QTMAN: variants seen among roughly 807,000 people sequenced by gnomAD.
The protein encoded by QTMAN is tRNA-queuosine alpha-mannosyltransferase.
chr2:144,249,633 A>T, the QTMAN span, among the ~76,000 whole-genome samples: 3 of 152,244 alleles, frequency 2.0e-5, no homozygotes, highest in Non-Finnish European at 2.9e-5. Flanking sequence ...GTTAATCAAC[A>T]TTAAAAATAA....
chr2:143,952,897 T>C, the QTMAN span: 2 of 1,111,398 alleles, frequency 1.8e-6, no homozygotes, highest in African/African-American at 1.6e-5. Context: ...ATTACCATCA[T>C]AGCCAGAAAG....
the QTMAN span, among the ~76,000 whole-genome samples, chr2:144,185,566 T>C: frequency 9.2e-5 from 14 of 152,322 alleles, no homozygotes; most frequent in Admixed American, 4.6e-4. Context: ...AGGCAAAGAT[T>C]ACCATGTTTG....
the QTMAN span, among the ~76,000 whole-genome samples, chr2:144,160,138 T>A: frequency 6.6e-6 from 1 of 152,110 alleles, no homozygotes; most frequent in South Asian, 2.1e-4. Context: ...ACTAAAAATG[T>A]ACCTTCAAGA....
the QTMAN span, among the ~76,000 whole-genome samples, chr2:144,003,869 G>C: frequency 2.0e-5 from 3 of 152,060 alleles, no homozygotes; most frequent in South Asian, 4.1e-4. Flanking sequence ...CATGATCCCA[G>C]TGTGGAACTA....
chr2:144,322,110 A>G, the QTMAN span, among the ~76,000 whole-genome samples: 1 of 152,242 alleles, frequency 6.6e-6, no homozygotes, highest in South Asian at 2.1e-4. Context: ...TTATAACCAG[A>G]AAAAGAAACT....
At chr2:144,300,889 T>C in the QTMAN span, among the ~76,000 whole-genome samples, 4 of 152,164 alleles carry the variant, frequency 2.6e-5, no homozygotes, top group Non-Finnish European at 4.4e-5. Context: ...TAATGCAAAT[T>C]TGTGAACCAG....
the QTMAN span, among the ~76,000 whole-genome samples, chr2:143,950,161 A>C: frequency 1.6e-4 from 24 of 151,788 alleles, no homozygotes; most frequent in African/African-American, 5.6e-4. Flanking sequence ...CTAATTTATA[A>C]AACTTTGAGA....
chr2:144,263,586 T>C, the QTMAN span, among the ~76,000 whole-genome samples: 1 of 152,150 alleles, frequency 6.6e-6, no homozygotes, highest in East Asian at 1.9e-4. Context: ...GCTAGGCATC[T>C]GATGGCAGAC....
the QTMAN span, among the ~76,000 whole-genome samples, chr2:144,112,182 C>T: frequency 6.6e-6 from 1 of 152,292 alleles, no homozygotes; most frequent in Non-Finnish European, 1.5e-5. Flanking sequence ...CACAAAATAT[C>T]TAGAAAGTCT....
the QTMAN span, among the ~76,000 whole-genome samples, chr2:144,226,815 T>C: frequency 6.6e-6 from 1 of 152,118 alleles, no homozygotes; most frequent in Non-Finnish European, 1.5e-5. Flanking sequence ...AGAAACTGAA[T>C]GGAAATACAA....
At chr2:143,962,284 A>G in the QTMAN span, among the ~76,000 whole-genome samples, 2 of 152,120 alleles carry the variant, frequency 1.3e-5, no homozygotes, top group African/African-American at 2.4e-5. Context: ...CCAGGTGGAG[A>G]AAGGGTTTGA....
the QTMAN span, among the ~76,000 whole-genome samples, chr2:143,984,143 C>T: frequency 6.6e-6 from 1 of 152,182 alleles, no homozygotes; most frequent in Non-Finnish European, 1.5e-5. Context: ...TAACATTGTA[C>T]CAAGTCACCT....
At chr2:144,043,627 C>T in the QTMAN span, among the ~76,000 whole-genome samples, 3 of 143,038 alleles carry the variant, frequency 2.1e-5, no homozygotes, top group Non-Finnish European at 4.4e-5. Context: ...AATAAGACTC[C>T]GTCGCAAAAA....
At chr2:144,291,472 A>G in the QTMAN span, among the ~76,000 whole-genome samples, 1 of 152,314 alleles carries the variant, frequency 6.6e-6, no homozygotes, top group South Asian at 2.1e-4. Context: ...TCTACCCAAA[A>G]TGTTAGGCTT....
the QTMAN span, among the ~76,000 whole-genome samples, chr2:144,035,871 G>A: frequency 0.16 from 24,337 of 152,030 alleles, 3,689 homozygotes; most frequent in African/African-American, 0.39. Flanking sequence ...GGCTTTTTCA[G>A]TGTGGTGTTG....
the QTMAN span, among the ~76,000 whole-genome samples, chr2:144,242,358 A>G: frequency 6.6e-6 from 1 of 152,140 alleles, no homozygotes; most frequent in Admixed American, 6.5e-5. Context: ...AAAAGTGTTA[A>G]GTGTGATCCA....
At chr2:144,158,434 A>T in the QTMAN span, among the ~76,000 whole-genome samples, 1 of 151,854 alleles carries the variant, frequency 6.6e-6, no homozygotes, top group Non-Finnish European at 1.5e-5. Context: ...CTGCTTCTAT[A>T]ATGTGCCAGA....
At chr2:144,294,355 C>A in the QTMAN span, 1 of 152,192 alleles carries the variant, frequency 6.6e-6, no homozygotes, top group Non-Finnish European at 1.5e-5. Flanking sequence ...CTAAGGGAAG[C>A]CTTTCCTACC....
the QTMAN span, among the ~76,000 whole-genome samples, chr2:143,956,729 T>G: frequency 6.6e-6 from 1 of 152,166 alleles, no homozygotes; most frequent in African/African-American, 2.4e-5. Context: ...AGGGAGGACA[T>G]GATCGACTGT....
Sources: allele counts gnomAD v4.1 joint callset (sites outside exome capture counted in the v4.1 genomes callset), GRCh38; gene constraint gnomAD v4.1.1; transcripts MANE v1.5; gene names NCBI Gene and HGNC (gene_info 2026-07-23, HGNC 2026-07-21).